DNAH6: variants seen among roughly 807,000 people sequenced by gnomAD.
DNAH6 encodes the protein dynein axonemal heavy chain 6.
A neutral mutation model predicts 491.4 loss-of-function variants in DNAH6; 340 were observed. The observed-to-expected ratio is 0.69, with a 90% confidence interval of 0.63 to 0.76. The LOEUF (loss-of-function observed/expected upper bound fraction) is 0.76. Ranked by LOEUF, DNAH6 falls within the 30% of genes least tolerant of loss-of-function variation. DNAH6 has a pLI of 0.00. For synonymous variants in DNAH6, 1,603 were observed against 1,686.1 expected, an observed-to-expected ratio of 0.95 and a Z score of 1.21; for missense variants, 4,443 against 4,972.2, an observed-to-expected ratio of 0.89 and a Z score of 3.20.
chr2:84,669,225 T>C, intron 37 of DNAH6, 64 bp from the exon 38 acceptor site: 1 of 1,255,890 alleles, frequency 8.0e-7, no homozygotes, highest in East Asian at 2.5e-5. Context: ...TGTGAGTGTA[T>C]CTACTACTGT....
At chr2:84,500,078 G>A in the DNAH6 span, among the ~76,000 whole-genome samples, 1 of 152,070 alleles carries the variant, frequency 6.6e-6, no homozygotes, top group East Asian at 1.9e-4. Flanking sequence ...CTGCGCTTGT[G>A]GGGTATTGCT....
intron 63 of DNAH6, among the ~76,000 whole-genome samples, chr2:84,761,521 G>T (rs1160792785): frequency 6.6e-6 from 1 of 152,040 alleles, no homozygotes; most frequent in South Asian, 2.1e-4. Context: ...ATTGATGCTG[G>T]AAAGGTTAAG....
At chr2:84,798,632 T>C (rs1678567782) in intron 70 of DNAH6, among the ~76,000 whole-genome samples, 4 of 152,280 alleles carry the variant, frequency 2.6e-5, no homozygotes, top group African/African-American at 9.6e-5. Flanking sequence ...CCACCACTGC[T>C]ACAGGCCCAA....
At chr2:84,470,525 T>A in the DNAH6 span, among the ~76,000 whole-genome samples, 4 of 152,166 alleles carry the variant, frequency 2.6e-5, no homozygotes, top group African/African-American at 9.7e-5. Flanking sequence ...CCATGGCATT[T>A]GTAAATTGTC....
the DNAH6 span, among the ~76,000 whole-genome samples, chr2:84,490,815 A>G: frequency 1.3e-5 from 2 of 151,660 alleles, no homozygotes; most frequent in Non-Finnish European, 2.9e-5. Flanking sequence ...ACCCACCTCC[A>G]CCTCCCAAAG....
At chr2:84,693,946 G>A (rs759118786) in intron 45 of DNAH6, among the ~76,000 whole-genome samples, 15 of 152,252 alleles carry the variant, frequency 9.9e-5, no homozygotes, top group African/African-American at 1.9e-4. Flanking sequence ...GGCCTAGATC[G>A]GCTAGGGTCT....
At position 84,670,355 on chromosome 2, in the gene DNAH6, A is replaced by G; in HGVS notation, c.6334A>G (p.Lys2112Glu). 1 of 1,537,510 alleles carries G rather than the reference A, an allele frequency of 6.5e-7. No individual in the cohort carries two copies. The highest frequency in any genetic ancestry group is 8.8e-7 in the Non-Finnish European group (1 of 1,139,064). The change falls in exon 39 of 77, where the codon AAA becomes GAA. Residue 2112 changes from lysine (K) to glutamate (E), a missense_variant. By Grantham distance (56) the Lys-to-Glu change is moderately conservative. This residue lies in a region of DNAH6 where 2,977 missense variants were observed against 3,296.6 expected (regional missense o/e 0.90). Transcript: ENST00000389394. The stretch of plus-strand genomic sequence containing the variant: ...TGTGATTGCAAAAGGATTGCTAAAT[A>G]AAATTCAAGAATCAGCTGGCTATGT... ...KSVIAKGLLN[K>E]IQESAGYVPV... is the part of the protein sequence containing the mutation.
At chr2:84,500,188 C>A in the DNAH6 span, among the ~76,000 whole-genome samples, 2 of 152,096 alleles carry the variant, frequency 1.3e-5, no homozygotes, top group Non-Finnish European at 2.9e-5. Flanking sequence ...CTCTCTAATC[C>A]ATTTTTATTT....
intron 5 of DNAH6, among the ~76,000 whole-genome samples, chr2:84,545,538 C>T (rs576380975): frequency 7.9e-5 from 12 of 152,232 alleles, no homozygotes; most frequent in East Asian, 3.9e-4. Flanking sequence ...TATCAGTCCT[C>T]GAGGCATGTT....
intron 47 of DNAH6, among the ~76,000 whole-genome samples, chr2:84,699,250 C>G (rs990021755): frequency 6.6e-6 from 1 of 152,088 alleles, no homozygotes; most frequent in Non-Finnish European, 1.5e-5. Context: ...ACCTGTACAA[C>G]TGTGCAGCAC....
At chr2:84,691,526 G>A (rs963514592) in intron 45 of DNAH6, among the ~76,000 whole-genome samples, 2 of 152,208 alleles carry the variant, frequency 1.3e-5, no homozygotes, top group South Asian at 4.1e-4. Context: ...GGTCTTCGTT[G>A]TTCTAGTAGA....
the DNAH6 span, among the ~76,000 whole-genome samples, chr2:84,468,302 ATTTT>A: frequency 6.6e-6 from 1 of 152,172 alleles, no homozygotes; most frequent in Non-Finnish European, 1.5e-5. Flanking sequence ...TAGTTGTAAG[ATTTT>A]TCATTTGCCG....
the DNAH6 span, among the ~76,000 whole-genome samples, chr2:84,469,939 C>A: frequency 7.1e-4 from 108 of 152,118 alleles, 7 homozygotes; most frequent in South Asian, 0.022. The surrounding 1 kb of genome is among the most constrained non-coding windows in gnomAD (Gnocchi z 4.0). Context: ...TTTAACCCAA[C>A]GTTGGTCAAG....
intron 5 of DNAH6, among the ~76,000 whole-genome samples, chr2:84,545,489 T>G (rs558629396): frequency 6.6e-6 from 1 of 152,328 alleles, no homozygotes; most frequent in Non-Finnish European, 1.5e-5. Flanking sequence ...GCTAGGTATG[T>G]AAAATAGTTC....
At chr2:84,786,477 A>G (rs933882549) in intron 67 of DNAH6, among the ~76,000 whole-genome samples, 1 of 151,924 alleles carries the variant, frequency 6.6e-6, no homozygotes, top group Non-Finnish European at 1.5e-5. Context: ...TAAATAGGTT[A>G]AAAGGTCTTA....
intron 16 of DNAH6, among the ~76,000 whole-genome samples, 185 bp from the exon 17 acceptor site, chr2:84,593,787 A>G (rs919498549): frequency 6.6e-6 from 1 of 150,852 alleles, no homozygotes; most frequent in Non-Finnish European, 1.5e-5. Flanking sequence ...AAAGTCTAAT[A>G]TATGTGGGGT....
intron 30 of DNAH6, among the ~76,000 whole-genome samples, 186 bp downstream of exon 30, chr2:84,634,827 A>C (rs1293867832): frequency 6.6e-6 from 1 of 152,196 alleles, no homozygotes; most frequent in Non-Finnish European, 1.5e-5. Flanking sequence ...CCAGATGAAG[A>C]CACTGAGTGG....
At chr2:84,778,224 A>C in intron 64 of DNAH6, 1 of 645,658 alleles carries the variant, frequency 1.5e-6, no homozygotes, top group Non-Finnish European at 2.9e-6. Flanking sequence ...GAGTTGCCAT[A>C]TTGGACTTGG....
rs553147141 is a variant in DNAH6 at position 84,725,265 on chromosome 2, C to T, written c.9973-2404C>T. Among the ~76,000 whole-genome samples, 12 of 152,128 alleles carry T rather than the reference C, an allele frequency of 7.9e-5. No individual in the cohort carries two copies. In the South Asian group the frequency reaches 8.3e-4, roughly 11 times the overall value. On this transcript the variant is annotated intron_variant, in intron 60 of 76. Coordinates refer to ENST00000389394, the MANE Select transcript of DNAH6 (RefSeq NM_001370.2). ...CTCTAGAGGTCTTATTTAGTACCCT[C>T]GATAATGGTTGGAGGTCCAGGAACA...
Sources: allele counts gnomAD v4.1 joint callset (sites outside exome capture counted in the v4.1 genomes callset), GRCh38; gene constraint gnomAD v4.1.1; regional missense constraint gnomAD v4.1.1; non-coding constraint Gnocchi (gnomAD v3.1); transcripts MANE v1.5; gene names NCBI Gene and HGNC (gene_info 2026-07-23, HGNC 2026-07-21).